Variants in HIF1AN observed in about 807,000 individuals in gnomAD.
HIF1AN encodes hypoxia-inducible factor 1-alpha inhibitor.
In HIF1AN, 21 loss-of-function variants were observed where a neutral mutation model predicts 47.7. The ratio of observed to expected loss-of-function variants is 0.44; its 90% CI spans 0.31 to 0.63. The LOEUF (loss-of-function observed/expected upper bound fraction) is 0.63, where lower values mean the gene tolerates loss of function less well. HIF1AN is among the 30% of genes least tolerant of loss of function. HIF1AN has a pLI of 0.07. For synonymous variants in HIF1AN, 152 were observed against 155.9 expected (o/e 0.98, Z 0.18); for missense variants, 320 against 432.7 (o/e 0.74, Z 2.31).
chr10:100,542,846 G>GTTTTTTT lies in HIF1AN; in HGVS notation c.577+2081_578-2082dup, dbSNP rs397730143. Among the ~76,000 whole-genome samples the GTTTTTTT allele has an allele frequency of 6.9e-4, 77 of 111,760 alleles. 3 individuals are homozygous for GTTTTTTT. The highest frequency in any genetic ancestry group is 7.5e-4 in the Non-Finnish European group (44 of 58,954). 73.3% of individuals were successfully genotyped at this position (111,760 alleles called of 152,430 possible). A position where few individuals can be genotyped will look rare whatever the true frequency, so the allele number is the denominator to read the frequency against. On this transcript the variant is annotated intron_variant, in intron 3 of 7. Coordinates refer to ENST00000299163, the MANE Select transcript of HIF1AN (RefSeq NM_017902.3). ...CATACACTAATAAATATGTGAATGT[G>GTTTTTTT]TTTTTTTTTTTTTTTTTTTTTTTCT...
At chr10:100,547,862 C>CAG (rs10687207) in intron 7 of HIF1AN, among the ~76,000 whole-genome samples, 33,900 of 151,946 alleles carry the variant, frequency 0.22, 3,936 homozygotes, top group African/African-American at 0.27. Context: ...CGGTAAGAGA[C>CAG]GGTGTTGTGC....
intron 3 of HIF1AN, among the ~76,000 whole-genome samples, chr10:100,542,397 A>T (rs577862767): frequency 6.6e-6 from 1 of 152,266 alleles, no homozygotes. Flanking sequence ...TCTGTCGCCC[A>T]GGCTGGAGTG....
At position 100,548,450 on chromosome 10, in the gene HIF1AN, C is replaced by T. The variant is rs1029286420; in HGVS notation, c.*313C>T. The T allele has an allele frequency of 4.3e-5, 15 of 346,776 alleles. No homozygotes were observed. The highest frequency in any genetic ancestry group is 3.0e-4 in the African/African-American group (14 of 47,264). 21.5% of individuals were successfully genotyped at this position (346,776 alleles called of 1,614,324 possible). A position where few individuals can be genotyped will look rare whatever the true frequency, so the allele number is the denominator to read the frequency against. ...CATGTCTGTGTGTATGTTAGTCTGT[C>T]AACTTCGGAATGTGTGCGTGTGTGT... On this transcript the variant is annotated 3_prime_UTR_variant, in exon 8 of 8. Coordinates refer to ENST00000299163, the MANE Select transcript of HIF1AN (RefSeq NM_017902.3).
rs1320746189 is a variant in HIF1AN at position 100,544,997 on chromosome 10, T to C, written c.624T>C (p.Ala208=). ...ATGATGAGCAGCAGAACTTTTTTGCTCAGATAAAAGGTTACAAACGATGCA... is the reference window on the plus strand; with the variant it reads ...ATGATGAGCAGCAGAACTTTTTTGCCCAGATAAAAGGTTACAAACGATGCA... ...AHYDEQQNFF[A]QIKGYKRCIL... Residue 208 remains alanine, a synonymous_variant, in exon 4 of 8, where the codon GCT becomes GCC. Transcript: ENST00000299163. 6.2e-7 allele frequency: 1 copy of C among 1,614,068 alleles called. No homozygotes were observed. Among genetic ancestry groups the C allele is most frequent in the African/African-American group, 1.3e-5 (1 of 74,926 alleles).
chr10:100,548,369 G>GC lies in HIF1AN; in HGVS notation c.*238dup, dbSNP rs1843115921. The GC allele has an allele frequency of 8.3e-6, 4 of 480,570 alleles. No individual in the cohort carries two copies. Among genetic ancestry groups the GC allele is most frequent in the African/African-American group, 2.0e-5 (1 of 49,970 alleles). 29.8% of individuals were successfully genotyped at this position (480,570 alleles called of 1,614,324 possible). The stretch of plus-strand genomic sequence containing the variant: ...TTGTGCCCCAGCACCTTCTCTCTCT[G>GC]CCCCCCGCCTAAAGTCCTGCATTCA... On this transcript the variant is annotated 3_prime_UTR_variant, in exon 8 of 8. Transcript: ENST00000299163.
In HIF1AN at chr10:100,559,768, A is replaced by G. The variant is rs1477548023; in HGVS notation, c.*11631A>G. On this transcript the variant is annotated 3_prime_UTR_variant, in exon 8 of 8. Coordinates refer to ENST00000299163, the MANE Select transcript of HIF1AN (RefSeq NM_017902.3). ...TTATGAATATAAATTGTTTCTATAT[A>G]ACCCAAAGTCACTCTCATTGACATT... 1 of 152,160 alleles carries G rather than the reference A, an allele frequency of 6.6e-6. No homozygotes were observed. The highest frequency in any genetic ancestry group is 1.5e-5 in the Non-Finnish European group (1 of 68,032). The allele number at this position is 152,160 out of a possible 1,614,324, so 9.4% of individuals were successfully genotyped here.
At position 100,557,410 on chromosome 10, in the gene HIF1AN, T is replaced by G. The variant is rs1473612822; in HGVS notation, c.*9273T>G. On this transcript the variant is annotated 3_prime_UTR_variant, in exon 8 of 8. Coordinates refer to ENST00000299163, the MANE Select transcript of HIF1AN (RefSeq NM_017902.3). Reference sequence around the variant, plus strand: ...AACTGAGCACTATATAAATGCTGGTTGTTGAGATATTGGGAGTGGGGGTTT... The same window carrying G: ...AACTGAGCACTATATAAATGCTGGTGGTTGAGATATTGGGAGTGGGGGTTT... 1.3e-5 allele frequency: 2 copies of G among 152,188 alleles called. No homozygotes were observed. Among genetic ancestry groups the G allele is most frequent in the African/African-American group, 4.8e-5 (2 of 41,436 alleles). 9.4% of individuals were successfully genotyped at this position (152,188 alleles called of 1,614,324 possible). A position where few individuals can be genotyped will look rare whatever the true frequency, so the allele number is the denominator to read the frequency against.
Position 100,556,981 on chromosome 10 carries a change from G to A in HIF1AN, c.*8844G>A, listed in dbSNP as rs1843219553. On this transcript the variant is annotated 3_prime_UTR_variant, in exon 8 of 8. Coordinates refer to ENST00000299163, the MANE Select transcript of HIF1AN (RefSeq NM_017902.3). ...CTACTCTGACTCTCAAGATAATGGT[G>A]CTTGAAGTGAAATCACAGAAGAGAT... 6.6e-6 allele frequency: 1 copy of A among 152,242 alleles called. No homozygotes were observed. The highest frequency in any genetic ancestry group is 1.5e-5 in the Non-Finnish European group (1 of 68,052). The allele number at this position is 152,242 out of a possible 1,614,324, so 9.4% of individuals were successfully genotyped here. A position where few individuals can be genotyped will look rare whatever the true frequency, so the allele number is the denominator to read the frequency against.
At chr10:100,537,134 C>A (rs1197947684) in intron 2 of HIF1AN, among the ~76,000 whole-genome samples, 1 of 152,008 alleles carries the variant, frequency 6.6e-6, no homozygotes, top group African/African-American at 2.4e-5. Flanking sequence ...TCAAGACCAG[C>A]CTGGGAAACG....
In HIF1AN at chr10:100,546,577, A is replaced by G. The variant is rs1242016097; in HGVS notation, c.890A>G (p.Tyr297Cys). Residue 297 changes from tyrosine (Y) to cysteine (C), a missense_variant, in exon 6 of 8, where the codon TAT becomes TGT. Coordinates refer to ENST00000299163, the MANE Select transcript of HIF1AN (RefSeq NM_017902.3). Reference protein sequence around the residue: ...GGITITVNFWYKGAPTPKRIE... With the variant: ...GGITITVNFWCKGAPTPKRIE... ...ATTACCATCACTGTGAACTTCTGGTATAAGGTGAATATGGTTTGCTTTTTT... is the reference window on the plus strand; with the variant it reads ...ATTACCATCACTGTGAACTTCTGGTGTAAGGTGAATATGGTTTGCTTTTTT... 1.9e-6 allele frequency: 3 copies of G among 1,613,034 alleles called. No homozygotes were observed. The highest frequency in any genetic ancestry group is 2.5e-6 in the Non-Finnish European group (3 of 1,179,318).
chr10:100,541,260 T>C (rs1843025128), intron 3 of HIF1AN, among the ~76,000 whole-genome samples: 1 of 151,958 alleles, frequency 6.6e-6, no homozygotes, highest in Admixed American at 6.6e-5. Flanking sequence ...GCATGGTAGC[T>C]CATATTTGTA....
rs1353360785 is a variant in HIF1AN, at chr10:100,548,367, C to G, written c.*230C>G. On this transcript the variant is annotated 3_prime_UTR_variant, in exon 8 of 8. Coordinates refer to ENST00000299163, the MANE Select transcript of HIF1AN (RefSeq NM_017902.3). Reference sequence around the variant, plus strand: ...TCTTGTGCCCCAGCACCTTCTCTCTCTGCCCCCCGCCTAAAGTCCTGCATT... The same window carrying G: ...TCTTGTGCCCCAGCACCTTCTCTCTGTGCCCCCCGCCTAAAGTCCTGCATT... 1.9e-5 allele frequency: 9 copies of G among 485,000 alleles called. No individual in the cohort carries two copies. The highest frequency in any genetic ancestry group is 5.3e-4 in the Middle Eastern group (1 of 1,894). The allele number at this position is 485,000 out of a possible 1,614,324, so 30.0% of individuals were successfully genotyped here. A position where few individuals can be genotyped will look rare whatever the true frequency, so the allele number is the denominator to read the frequency against.
intron 2 of HIF1AN, among the ~76,000 whole-genome samples, chr10:100,539,121 A>G (rs1424916422): frequency 1.3e-5 from 2 of 152,006 alleles, no homozygotes; most frequent in African/African-American, 4.8e-5. Flanking sequence ...TTAAATACAT[A>G]AGGTTTTGCC....
intron 3 of HIF1AN, among the ~76,000 whole-genome samples, chr10:100,543,473 A>G (rs946433090): frequency 6.6e-6 from 1 of 151,774 alleles, no homozygotes; most frequent in Non-Finnish European, 1.5e-5. Flanking sequence ...TTGGCCCCCT[A>G]AAGTGTTGGG....
chr10:100,542,566 A>G (rs1843048449), intron 3 of HIF1AN, among the ~76,000 whole-genome samples: 1 of 152,144 alleles, frequency 6.6e-6, no homozygotes, highest in Non-Finnish European at 1.5e-5. Context: ...CGTGTTAGCC[A>G]GGATGGTCTC....
In HIF1AN at chr10:100,553,793, A is replaced by T. The variant is rs770452541; in HGVS notation, c.*5656A>T. Reference sequence around the variant, plus strand: ...CCTCAGTTTCCTCAACTATAATAACATGGGTGGAGGGAGGCATGTTGAAAA... The same window carrying T: ...CCTCAGTTTCCTCAACTATAATAACTTGGGTGGAGGGAGGCATGTTGAAAA... On this transcript the variant is annotated 3_prime_UTR_variant, in exon 8 of 8. Coordinates refer to ENST00000299163, the MANE Select transcript of HIF1AN (RefSeq NM_017902.3). 3 of 152,178 alleles carry T rather than the reference A, an allele frequency of 2.0e-5. No individual in the cohort carries two copies. The highest frequency in any genetic ancestry group is 4.4e-5 in the Non-Finnish European group (3 of 68,038). 9.4% of individuals were successfully genotyped at this position (152,178 alleles called of 1,614,324 possible).
At position 100,540,662 on chromosome 10, in the gene HIF1AN, A is replaced by G; in HGVS notation, c.457A>G (p.Thr153Ala). 6.2e-7 allele frequency: 1 copy of G among 1,613,834 alleles called. No individual in the cohort carries two copies. The highest frequency in any genetic ancestry group is 8.5e-7 in the Non-Finnish European group (1 of 1,179,944). The change falls in exon 3 of 8, where the codon ACT becomes GCT. Residue 153 changes from threonine to alanine, a missense_variant. Around this residue, in one of 2 missense-constraint regions of HIF1AN, gnomAD observed 161 missense variants for 272.8 expected, o/e 0.59. Coordinates refer to ENST00000299163, the MANE Select transcript of HIF1AN (RefSeq NM_017902.3). ...RLYLQQTLND[T>A]VGRKIVMDFL... ...GTATCTGCAGCAAACGCTCAATGAC[A>G]CTGTGGGCAGGAAGATTGTCATGGA...
chr10:100,537,135 C>T (rs1323537532), intron 2 of HIF1AN, among the ~76,000 whole-genome samples: 3 of 152,092 alleles, frequency 2.0e-5, no homozygotes, highest in Non-Finnish European at 4.4e-5. Context: ...CAAGACCAGC[C>T]TGGGAAACGT....
At position 100,540,549 on chromosome 10, in the gene HIF1AN, T is replaced by C. The variant is rs910662974; in HGVS notation, c.429-85T>C. 5.2e-5 allele frequency: 77 copies of C among 1,480,498 alleles called. No homozygotes were observed. The African/African-American group carries it at 9.6e-4, about 18-fold the overall frequency. 91.7% of individuals were successfully genotyped at this position (1,480,498 alleles called of 1,614,324 possible). A position where few individuals can be genotyped will look rare whatever the true frequency, so the allele number is the denominator to read the frequency against. On this transcript the variant is annotated intron_variant, in intron 2 of 7. Coordinates refer to ENST00000299163, the MANE Select transcript of HIF1AN (RefSeq NM_017902.3). Reference sequence around the variant, plus strand: ...TCTGTGGGAGATGCTGGTATGGATTTGGGCTTGGATTTTCAGATGTGGAGA... The same window carrying C: ...TCTGTGGGAGATGCTGGTATGGATTCGGGCTTGGATTTTCAGATGTGGAGA...
Sources: allele counts gnomAD v4.1 joint callset (sites outside exome capture counted in the v4.1 genomes callset), GRCh38; gene constraint gnomAD v4.1.1; regional missense constraint gnomAD v4.1.1; transcripts MANE v1.5; gene names NCBI Gene and HGNC (gene_info 2026-07-23, HGNC 2026-07-21).